The following DSCAM variants were observed in gnomAD, a reference collection of about 807,000 sequenced individuals.
The protein encoded by DSCAM is cell adhesion molecule DSCAM.
A neutral mutation model predicts 217.7 loss-of-function variants in DSCAM; 47 were observed. That is an observed-to-expected ratio of 0.22 (90% confidence interval 0.17 to 0.28). DSCAM has a LOEUF of 0.28. DSCAM is among the 10% of genes least tolerant of loss of function. DSCAM has a pLI of 1.00. For synonymous variants in DSCAM, 1,056 were observed against 1,015.3 expected, an observed-to-expected ratio of 1.04 and a Z score of -0.76; for missense variants, 2,080 against 2,618.3, an observed-to-expected ratio of 0.79 and a Z score of 4.49.
At chr21:40,223,805 C>T (rs923279710) in intron 11 of DSCAM, among the ~76,000 whole-genome samples, 1 of 152,206 alleles carries the variant, frequency 6.6e-6, no homozygotes, top group Non-Finnish European at 1.5e-5. Context: ...CTTATGTGAA[C>T]ACATTTAATG....
chr21:40,343,458 T>C (rs1007912789), intron 6 of DSCAM, among the ~76,000 whole-genome samples: 2 of 152,220 alleles, frequency 1.3e-5, no homozygotes, highest in East Asian at 1.9e-4. Flanking sequence ...GGAAGCTCTC[T>C]AGAGTCTCAG....
chr21:40,265,274 TAATA>T lies in DSCAM; in HGVS notation c.2356+10819_2356+10822del, dbSNP rs2073510014. On this transcript the variant is annotated intron_variant, in intron 11 of 32. Transcript: ENST00000400454. ...TAAAACACTTTATTTTTAAAACACT[TAATA>T]AATATACTCTACCAAGGAGGTGAAA... Among the ~76,000 whole-genome samples, 3 of 151,754 alleles carry T rather than the reference TAATA, an allele frequency of 2.0e-5. No individual in the cohort carries two copies. The South Asian group carries it at 6.2e-4, about 31-fold the overall frequency.
intron 3 of DSCAM, among the ~76,000 whole-genome samples, chr21:40,610,938 C>T (rs2089305253): frequency 6.6e-6 from 1 of 152,054 alleles, no homozygotes; most frequent in African/African-American, 2.4e-5. Context: ...ACCTTCTCTT[C>T]AGAGCAGCTT....
At chr21:40,731,731 C>A (rs1038450270) in intron 1 of DSCAM, among the ~76,000 whole-genome samples, 10 of 115,792 alleles carry the variant, frequency 8.6e-5, no homozygotes, top group South Asian at 4.0e-4. Context: ...CCACTGCACC[C>A]CCCCCCCCGC....
intron 1 of DSCAM, 110 bp from the exon 2 acceptor site, chr21:40,708,881 G>T: frequency 1.3e-6 from 1 of 794,450 alleles, no homozygotes; most frequent in Non-Finnish European, 1.8e-6. Context: ...ATGAGGCGCA[G>T]GCTCAAATAA....
Position 40,434,703 on chromosome 21 carries a change from A to G in DSCAM, c.509-65458T>C, listed in dbSNP as rs972693982. On this transcript the variant is annotated intron_variant, in intron 3 of 32. Coordinates refer to ENST00000400454, the MANE Select transcript of DSCAM (RefSeq NM_001389.5). ...TCCTGATATGCCCTGTGTATAATGA[A>G]GGAAAATAATTTTTGAATTTGTGTA... 3.3e-5 allele frequency among the ~76,000 whole-genome samples: 5 copies of G among 152,186 alleles called. No homozygotes were observed. In the East Asian group the frequency reaches 9.7e-4, roughly 29 times the overall value.
At position 40,262,034 on chromosome 21, in the gene DSCAM, CCTCT is replaced by C. The variant is rs377591121; in HGVS notation, c.2356+14059_2356+14062del. On this transcript the variant is annotated intron_variant, in intron 11 of 32. Transcript: ENST00000400454. ...CTCTCTCTCTCTCTTTCCCTCCCTC[CCTCT>C]CTCTCTCCCTCTCGCTTTCTTTCTT... 3.0e-4 allele frequency among the ~76,000 whole-genome samples: 45 copies of C among 151,764 alleles called. 1 individual carries two copies. In the South Asian group the frequency reaches 5.6e-3, roughly 19 times the overall value.
chr21:40,521,551 A>G (rs955256179), intron 3 of DSCAM, among the ~76,000 whole-genome samples: 1 of 146,380 alleles, frequency 6.8e-6, no homozygotes, highest in East Asian at 2.1e-4. Context: ...GTCCATTTGT[A>G]TATCTTCTTT....
chr21:40,025,795 TATTTTGTTG>T (rs1568895747), intron 32 of DSCAM, among the ~76,000 whole-genome samples: 1 of 150,870 alleles, frequency 6.6e-6, no homozygotes, highest in Admixed American at 6.6e-5. Flanking sequence ...GCAGTCTATC[TATTTTGTTG>T]ATCCTTTCAA....
At chr21:40,263,544 C>A (rs959207697) in intron 11 of DSCAM, among the ~76,000 whole-genome samples, 1 of 152,066 alleles carries the variant, frequency 6.6e-6, no homozygotes, top group Non-Finnish European at 1.5e-5. Context: ...ATCAAAATCT[C>A]TGGGATACAG....
At chr21:40,651,729 T>C (rs1463671582) in intron 3 of DSCAM, among the ~76,000 whole-genome samples, 2 of 152,220 alleles carry the variant, frequency 1.3e-5, no homozygotes, top group Non-Finnish European at 2.9e-5. Context: ...TGTTGACTGA[T>C]TGCTCAAGAA....
chr21:40,258,653 C>T (rs944432141), intron 11 of DSCAM, among the ~76,000 whole-genome samples: 1 of 152,250 alleles, frequency 6.6e-6, no homozygotes, highest in Admixed American at 6.5e-5. Context: ...CACAATTTAG[C>T]TTAAATATCT....
intron 32 of DSCAM, among the ~76,000 whole-genome samples, chr21:40,038,348 G>T (rs1461544313): frequency 1.9e-5 from 1 of 53,830 alleles, no homozygotes; most frequent in Non-Finnish European, 3.7e-5. Flanking sequence ...CCATCGAAAA[G>T]TGGGTGAAGG....
intron 1 of DSCAM, among the ~76,000 whole-genome samples, chr21:40,837,478 C>T (rs765179355): frequency 2.6e-5 from 4 of 152,136 alleles, no homozygotes; most frequent in Non-Finnish European, 5.9e-5. Flanking sequence ...TTCAATGAAG[C>T]CTATTCTAAA....
intron 4 of DSCAM, among the ~76,000 whole-genome samples, chr21:40,366,982 A>T (rs1322441812): frequency 6.6e-6 from 1 of 151,958 alleles, no homozygotes; most frequent in African/African-American, 2.4e-5. Context: ...TTTGTATTCT[A>T]CTCTGGCTCA....
At position 40,231,569 on chromosome 21, in the gene DSCAM, C is replaced by A. The variant is rs542014971; in HGVS notation, c.2357-42331G>T. On this transcript the variant is annotated intron_variant, in intron 11 of 32. Coordinates refer to ENST00000400454, the MANE Select transcript of DSCAM (RefSeq NM_001389.5). Reference sequence around the variant, plus strand: ...TCAGGCTGGAATACAGTGGCATGATCACGGCTCACTGTAGCCTCTACCTCC... The same window carrying A: ...TCAGGCTGGAATACAGTGGCATGATAACGGCTCACTGTAGCCTCTACCTCC... 5.3e-5 allele frequency among the ~76,000 whole-genome samples: 8 copies of A among 151,904 alleles called. No homozygotes were observed. In the South Asian group the frequency reaches 1.7e-3, roughly 32 times the overall value.
intron 3 of DSCAM, among the ~76,000 whole-genome samples, chr21:40,449,276 A>G (rs1207429101): frequency 6.6e-6 from 1 of 152,188 alleles, no homozygotes; most frequent in Admixed American, 6.5e-5. Context: ...GGAATGTAAC[A>G]TAACACAAGT....
chr21:40,286,511 G>A (rs2073825829), intron 10 of DSCAM, among the ~76,000 whole-genome samples: 1 of 152,188 alleles, frequency 6.6e-6, no homozygotes, highest in African/African-American at 2.4e-5. Context: ...TCCCAACTGG[G>A]CCCTATGAAC....
intron 1 of DSCAM, among the ~76,000 whole-genome samples, chr21:40,756,645 G>T (rs932681469): frequency 2.0e-5 from 3 of 152,070 alleles, no homozygotes; most frequent in Non-Finnish European, 4.4e-5. Context: ...ACCCATCTCG[G>T]CCTCCCAAAG....
Sources: allele counts gnomAD v4.1 joint callset (sites outside exome capture counted in the v4.1 genomes callset), GRCh38; gene constraint gnomAD v4.1.1; transcripts MANE v1.5; gene names NCBI Gene and HGNC (gene_info 2026-07-23, HGNC 2026-07-21).